The following KIF26B variants were observed in gnomAD, a reference collection of about 807,000 sequenced individuals.
KIF26B encodes the protein kinesin-like protein KIF26B.
In KIF26B, 63 loss-of-function variants were observed where a neutral mutation model predicts 151.2. The ratio of observed to expected loss-of-function variants is 0.42; its 90% CI spans 0.34 to 0.51. KIF26B has a LOEUF of 0.51. KIF26B is among the 20% of genes least tolerant of loss of function. The pLI is 0.07. For missense variants in KIF26B, 2,813 were observed against 2,913.6 expected, an observed-to-expected ratio of 0.97 and a Z score of 0.79; for synonymous variants, 1,357 against 1,262.1, an observed-to-expected ratio of 1.08 and a Z score of -1.59.
At chr1:245,238,911 T>C (rs147870534) in intron 2 of KIF26B, among the ~76,000 whole-genome samples, 28 of 152,246 alleles carry the variant, frequency 1.8e-4, no homozygotes, top group African/African-American at 6.7e-4. Context: ...ATTATACATA[T>C]TGCTGCAAAA....
intron 5 of KIF26B, among the ~76,000 whole-genome samples, chr1:245,573,749 T>C (rs1402564207): frequency 2.0e-5 from 3 of 152,042 alleles, no homozygotes; most frequent in African/African-American, 7.2e-5. Context: ...CTTCCAAGAC[T>C]CCCAGTGAAT....
intron 2 of KIF26B, among the ~76,000 whole-genome samples, chr1:245,335,970 C>G (rs1672220007): frequency 7.6e-6 from 1 of 131,118 alleles, no homozygotes; most frequent in African/African-American, 3.2e-5. Context: ...GAGAGTCCCA[C>G]GCAGGGAAAG....
intron 12 of KIF26B, among the ~76,000 whole-genome samples, chr1:245,690,608 G>A (rs1572208585): frequency 6.6e-6 from 1 of 152,208 alleles, no homozygotes; most frequent in Admixed American, 6.5e-5. Flanking sequence ...TTATGCAGAT[G>A]TAGTTTTATG....
intron 2 of KIF26B, among the ~76,000 whole-genome samples, chr1:245,287,190 G>T (rs36060904): frequency 6.6e-6 from 1 of 151,942 alleles, no homozygotes; most frequent in African/African-American, 2.4e-5. Flanking sequence ...ATATTTGCAG[G>T]TCTGGGGCTA....
At chr1:245,162,444 G>C (rs1668548516) in intron 2 of KIF26B, among the ~76,000 whole-genome samples, 1 of 133,680 alleles carries the variant, frequency 7.5e-6, no homozygotes, top group Non-Finnish European at 1.5e-5. Flanking sequence ...GGAGTACAGT[G>C]GCGTGATCTC....
chr1:245,544,040 C>G (rs1165348326), intron 5 of KIF26B, among the ~76,000 whole-genome samples: 1 of 152,206 alleles, frequency 6.6e-6, no homozygotes, highest in African/African-American at 2.4e-5. Context: ...TCAGCAGGCT[C>G]TTACTCTGCC....
chr1:245,224,140 C>T (rs189405781), intron 2 of KIF26B, among the ~76,000 whole-genome samples: 1 of 152,182 alleles, frequency 6.6e-6, no homozygotes, highest in African/African-American at 2.4e-5. Flanking sequence ...CAAAAATTAG[C>T]CGGGTGTGGT....
rs542042015 is a variant in KIF26B at position 245,512,310 on chromosome 1, C to T, written c.1167-28457C>T. Reference sequence around the variant, plus strand: ...TGTTTCCCAGCCCCCATCCTTCTCTCTGAGTCTTGGAACATCATGAAAGAC... The same window carrying T: ...TGTTTCCCAGCCCCCATCCTTCTCTTTGAGTCTTGGAACATCATGAAAGAC... On this transcript the variant is annotated intron_variant, in intron 4 of 14. Coordinates refer to ENST00000407071, the MANE Select transcript of KIF26B (RefSeq NM_018012.4). The surrounding 1 kb of genome is among the most constrained non-coding windows in gnomAD (Gnocchi z 4.3). Among the ~76,000 whole-genome samples the T allele has an allele frequency of 1.3e-5, 2 of 152,302 alleles. No individual in the cohort carries two copies. The highest frequency in any genetic ancestry group is 4.1e-4 in the South Asian group (2 of 4,824).
At chr1:245,322,804 G>A (rs964097883) in intron 2 of KIF26B, among the ~76,000 whole-genome samples, 2 of 152,096 alleles carry the variant, frequency 1.3e-5, no homozygotes, top group African/African-American at 4.8e-5. Flanking sequence ...GGTAACCGAG[G>A]GTCAGATAAC....
chr1:245,572,454 T>C lies in KIF26B; in HGVS notation c.1351-30123T>C, dbSNP rs905899322. 1.1e-4 allele frequency among the ~76,000 whole-genome samples: 16 copies of C among 152,234 alleles called. No individual in the cohort carries two copies. Among genetic ancestry groups the C allele is most frequent in the African/African-American group, 3.9e-4 (16 of 41,542 alleles). On this transcript the variant is annotated intron_variant, in intron 5 of 14. Transcript: ENST00000407071. This position sits in a 1 kb window ranked among gnomAD's most constrained non-coding sequence, Gnocchi z 4.2. ...GAAAGGTGGCAGGACACACTTCTCT[T>C]GTTCTCCAGCCCATTTTCAGGCACG...
intron 2 of KIF26B, among the ~76,000 whole-genome samples, chr1:245,283,946 A>T (rs1212840508): frequency 6.6e-6 from 1 of 152,144 alleles, no homozygotes; most frequent in Non-Finnish European, 1.5e-5. Flanking sequence ...TTGGCCTCCC[A>T]CAGTGCTGGG....
chr1:245,685,449 C>T lies in KIF26B; in HGVS notation c.2466C>T (p.Gly822=), dbSNP rs1374799182. The change falls in exon 12 of 15, where the codon GGC becomes GGT. Residue 822 remains glycine (G), a synonymous_variant. Transcript: ENST00000407071. ...SSGGESSCEE[G]RMRRPTQLRP... ...GCGGGGAGAGCTCCTGCGAAGAAGG[C>T]CGCATGCGCAGGCCCACCCAGCTGA... The T allele has an allele frequency of 1.9e-6, 3 of 1,613,430 alleles. No individual in the cohort carries two copies. Among genetic ancestry groups the T allele is most frequent in the Non-Finnish European group, 2.5e-6 (3 of 1,179,708 alleles).
chr1:245,586,180 TGTGTGTGTGTGTGTG>T (rs2043221992), intron 5 of KIF26B, among the ~76,000 whole-genome samples: 1 of 151,300 alleles, frequency 6.6e-6, no homozygotes, highest in Non-Finnish European at 1.5e-5. Context: ...TGTGTGTGTG[TGTGTGTGTGTGTGTG>T]TGTTTGTTTT....
At chr1:245,615,539 C>T (rs2103157820) in intron 9 of KIF26B, among the ~76,000 whole-genome samples, 1 of 152,316 alleles carries the variant, frequency 6.6e-6, no homozygotes, top group South Asian at 2.1e-4. Flanking sequence ...CAAATCAGTA[C>T]CTAAGGAATC....
chr1:245,455,329 C>T (rs1294989682), intron 4 of KIF26B, among the ~76,000 whole-genome samples: 1 of 152,040 alleles, frequency 6.6e-6, no homozygotes, highest in Non-Finnish European at 1.5e-5. Flanking sequence ...CATGGTGAAA[C>T]CCCATCTCTA....
Position 245,688,339 on chromosome 1 carries a change from T to C in KIF26B, c.5356T>C (p.Ser1786Pro). 6.3e-7 allele frequency: 1 copy of C among 1,587,826 alleles called. No homozygotes were observed. Among genetic ancestry groups the C allele is most frequent in the Non-Finnish European group, 8.5e-7 (1 of 1,175,140 alleles). ...GGKHTPWSTQ[S>P]LSRNRSSGLA... Reference sequence around the variant, plus strand: ...GAAGCACACGCCCTGGTCCACGCAGTCCCTCAGCAGGAACAGGAGCTCGGG... The same window carrying C: ...GAAGCACACGCCCTGGTCCACGCAGCCCCTCAGCAGGAACAGGAGCTCGGG... Residue 1786 changes from serine to proline, a missense_variant, in exon 12 of 15, where the codon TCC (serine) becomes CCC (proline). Physicochemically the swap from Ser to Pro is moderately conservative, Grantham distance 74 (BLOSUM62 -1). Coordinates refer to ENST00000407071, the MANE Select transcript of KIF26B (RefSeq NM_018012.4).
At chr1:245,623,985 T>G (rs954148686) in intron 9 of KIF26B, among the ~76,000 whole-genome samples, 1 of 152,148 alleles carries the variant, frequency 6.6e-6, no homozygotes, top group Non-Finnish European at 1.5e-5. Context: ...GATTACATCA[T>G]GAGGATGGAT....
At position 245,476,559 on chromosome 1, in the gene KIF26B, A is replaced by G. The variant is rs528432261; in HGVS notation, c.1166+56814A>G. On this transcript the variant is annotated intron_variant, in intron 4 of 14. Transcript: ENST00000407071. ...ACTTACTTACTTACTTACTTGAGAC[A>G]GGGTCTTGCTCTGTCACCCAGGCTG... is the stretch of plus-strand genomic sequence containing the variant. 3.3e-4 allele frequency among the ~76,000 whole-genome samples: 50 copies of G among 150,724 alleles called. 1 individual carries two copies. Among genetic ancestry groups the G allele is most frequent in the African/African-American group, 1.0e-3 (43 of 41,024 alleles).
chr1:245,526,513 T>C lies in KIF26B; in HGVS notation c.1167-14254T>C, dbSNP rs544766694. On this transcript the variant is annotated intron_variant, in intron 4 of 14. Coordinates refer to ENST00000407071, the MANE Select transcript of KIF26B (RefSeq NM_018012.4). ...CTTAATGATTTCTTCAGGTTTCAAC[T>C]ACAGTAAATAATTTGTTAAATAAAA... Among the ~76,000 whole-genome samples the C allele has an allele frequency of 1.8e-4, 28 of 152,324 alleles. 1 individual carries two copies. In the South Asian group the frequency reaches 5.6e-3, roughly 30 times the overall value.
Sources: gnomAD v4.1 joint callset for allele counts (sites outside exome capture counted in the v4.1 genomes callset) on GRCh38, gnomAD v4.1.1 for gene constraint, Gnocchi (gnomAD v3.1) non-coding constraint, MANE v1.5 for transcripts, NCBI Gene and HGNC (gene_info 2026-07-23, HGNC 2026-07-21) for gene names.